The following JPH2 variants were observed in gnomAD, a reference collection of about 807,000 sequenced individuals.
JPH2 encodes junctophilin 2.
JPH2 carries 38 observed loss-of-function variants against 55.9 expected under a neutral mutation model. The observed-to-expected ratio is 0.68, with a 90% CI of 0.52 to 0.89. JPH2 has a LOEUF of 0.89. Ranked by LOEUF, JPH2 falls within the 40% of genes least tolerant of loss-of-function variation. The pLI is 0.00. For synonymous variants in JPH2, 480 were observed against 472.4 expected, an observed-to-expected ratio of 1.02 and a Z score of -0.21; for missense variants, 964 against 1,037.6, an observed-to-expected ratio of 0.93 and a Z score of 0.97.
chr20:44,117,196 T>A (rs927948584), intron 3 of JPH2, among the ~76,000 whole-genome samples: 175 of 152,348 alleles, frequency 1.1e-3, no homozygotes, highest in African/African-American at 4.0e-3. Flanking sequence ...GGAGAATTGC[T>A]TGAACCAGGG....
In JPH2 at chr20:44,116,269, C is replaced by T. The variant is rs2072191472; in HGVS notation, c.1406G>A (p.Ser469Asn). The T allele has an allele frequency of 1.3e-6, 2 of 1,526,806 alleles. No individual in the cohort carries two copies. Among genetic ancestry groups the T allele is most frequent in the South Asian group, 1.2e-5 (1 of 82,522 alleles). The allele number at this position is 1,526,806 out of a possible 1,614,324, so 94.6% of individuals were successfully genotyped here. A position where few individuals can be genotyped will look rare whatever the true frequency, so the allele number is the denominator to read the frequency against. Residue 469 changes from serine (S) to asparagine (N), a missense_variant, in exon 4 of 6, where the codon AGC becomes AAC. Transcript: ENST00000372980. ...AAGLPQPPRE[S>N]PQLHERETPR... is the part of the protein sequence containing the mutation. ...GGTCTCACGCTCGTGCAGCTGCGGG[C>T]TCTCGCGGGGCGGCTGTGGGAGGCC...
chr20:44,113,839 T>C (rs1200895332), intron 5 of JPH2, among the ~76,000 whole-genome samples: 3 of 152,208 alleles, frequency 2.0e-5, no homozygotes, highest in Non-Finnish European at 2.9e-5. Context: ...GCAGGAAGCA[T>C]TCCCAGAGCC....
chr20:44,139,666 CA>C (rs1289666784), intron 2 of JPH2, among the ~76,000 whole-genome samples: 4 of 152,128 alleles, frequency 2.6e-5, no homozygotes, highest in African/African-American at 9.7e-5. Flanking sequence ...TTAGGTTGAA[CA>C]GTATGAAATT....
intron 4 of JPH2, among the ~76,000 whole-genome samples, 177 bp downstream of exon 4, chr20:44,115,488 G>C (rs1013337769): frequency 1.3e-5 from 2 of 152,194 alleles, no homozygotes; most frequent in African/African-American, 4.8e-5. Context: ...GTCCTCTGTG[G>C]ACCAAGCCAA....
rs753706209 is a variant in JPH2, at chr20:44,108,452, C to T, written c.*5066G>A. ...GAACTGATGGTGGCCCTGGAGATCC[C>T]CAAACTTGTATCTGGGGTCTGAAGG... On this transcript the variant is annotated 3_prime_UTR_variant, in exon 6 of 6. Coordinates refer to ENST00000372980, the MANE Select transcript of JPH2 (RefSeq NM_020433.5). Among the ~76,000 whole-genome samples the T allele has an allele frequency of 6.6e-6, 1 of 151,926 alleles. No homozygotes were observed. The highest frequency in any genetic ancestry group is 2.4e-5 in the African/African-American group (1 of 41,336).
At chr20:44,131,069 G>A (rs916691576) in intron 2 of JPH2, among the ~76,000 whole-genome samples, 1 of 152,146 alleles carries the variant, frequency 6.6e-6, no homozygotes, top group East Asian at 1.9e-4. Context: ...TATGGCTCCT[G>A]TATTCCCATC....
chr20:44,154,051 A>C (rs1002551898), intron 2 of JPH2, among the ~76,000 whole-genome samples: 2 of 152,192 alleles, frequency 1.3e-5, no homozygotes, highest in Non-Finnish European at 2.9e-5. Flanking sequence ...AAATCAGAAG[A>C]CATAAATCTA....
intron 1 of JPH2, among the ~76,000 whole-genome samples, chr20:44,180,999 GT>G (rs2072778353): frequency 6.6e-6 from 1 of 152,010 alleles, no homozygotes; most frequent in Admixed American, 6.6e-5. Flanking sequence ...GTCAGCAGCT[GT>G]TTTTAGCTTT....
chr20:44,137,983 T>A (rs2072426641), intron 2 of JPH2, among the ~76,000 whole-genome samples: 1 of 151,374 alleles, frequency 6.6e-6, no homozygotes, highest in South Asian at 2.1e-4. Context: ...AGTGCATCTG[T>A]AAAAAGAGAA....
intron 2 of JPH2, among the ~76,000 whole-genome samples, chr20:44,142,468 G>A (rs745818643): frequency 1.1e-4 from 17 of 151,966 alleles, no homozygotes; most frequent in Non-Finnish European, 2.2e-4. Context: ...GCTCCTCACT[G>A]TCCCCAGAGC....
chr20:44,158,100 C>A (rs892468350), intron 2 of JPH2, among the ~76,000 whole-genome samples: 4 of 152,146 alleles, frequency 2.6e-5, no homozygotes, highest in Non-Finnish European at 5.9e-5. Context: ...CATAGAGAAT[C>A]CTATTTAAGT....
intron 5 of JPH2, among the ~76,000 whole-genome samples, chr20:44,114,467 C>T (rs1600827761): frequency 6.6e-6 from 1 of 152,194 alleles, no homozygotes; most frequent in East Asian, 1.9e-4. Flanking sequence ...CATCTCCCAG[C>T]AGAGCAGTAC....
At chr20:44,152,280 A>G (rs189724122) in intron 2 of JPH2, among the ~76,000 whole-genome samples, 163 of 152,378 alleles carry the variant, frequency 1.1e-3, no homozygotes, top group African/African-American at 3.8e-3. Context: ...TCAGCTGTGC[A>G]ACCTGTTTGA....
rs908385734 is a variant in JPH2, at chr20:44,160,875, G to A, written c.380-468C>T. Among the ~76,000 whole-genome samples the A allele has an allele frequency of 6.6e-6, 1 of 152,156 alleles. No homozygotes were observed. Among genetic ancestry groups the A allele is most frequent in the Non-Finnish European group, 1.5e-5 (1 of 68,014 alleles). ...GAGGCGGATGGATCGCTTGAGCTCAGGAGTTCAAGACCAACCTGGGCAACA... is the reference window on the plus strand; with the variant it reads ...GAGGCGGATGGATCGCTTGAGCTCAAGAGTTCAAGACCAACCTGGGCAACA... On this transcript the variant is annotated intron_variant, in intron 1 of 5. Coordinates refer to ENST00000372980, the MANE Select transcript of JPH2 (RefSeq NM_020433.5). The surrounding 1 kb of genome is among the most constrained non-coding windows in gnomAD (Gnocchi z 4.9).
rs2072135454 is a variant in JPH2, at chr20:44,110,623, G to T, written c.*2895C>A. On this transcript the variant is annotated 3_prime_UTR_variant, in exon 6 of 6. Transcript: ENST00000372980. ...TATTTTCTTTTTTAGTAGAGATGGG[G>T]TTTTGCCATGTTGGCCAGGCTGGTC... 5.9e-5 allele frequency among the ~76,000 whole-genome samples: 9 copies of T among 152,068 alleles called. No individual in the cohort carries two copies. Among genetic ancestry groups the T allele is most frequent in the Admixed American group, 5.9e-4 (9 of 15,264 alleles).
rs551910038 is a variant in JPH2 at position 44,159,344 on chromosome 20, A to C, written c.1169+274T>G. ...TGGAATGGGTAGGGGAATGGAGTGGATGACTGGAGAGATGGCTGTTCAGGT... is the reference window on the plus strand; with the variant it reads ...TGGAATGGGTAGGGGAATGGAGTGGCTGACTGGAGAGATGGCTGTTCAGGT... On this transcript the variant is annotated intron_variant, in intron 2 of 5. Transcript: ENST00000372980. The surrounding 1 kb of genome is among the most constrained non-coding windows in gnomAD (Gnocchi z 5.7). 5.9e-5 allele frequency among the ~76,000 whole-genome samples: 9 copies of C among 152,080 alleles called. No individual in the cohort carries two copies. The East Asian group carries it at 1.6e-3, about 26-fold the overall frequency.
intron 4 of JPH2, 96 bp from the exon 5 acceptor site, chr20:44,114,972 G>T: frequency 1.1e-6 from 1 of 910,142 alleles, no homozygotes; most frequent in Non-Finnish European, 1.8e-6. Context: ...GGAACTTCTG[G>T]ATGGACCTTC....
At chr20:44,161,238 C>A (rs939877100) in intron 1 of JPH2, among the ~76,000 whole-genome samples, 15 of 152,112 alleles carry the variant, frequency 9.9e-5, no homozygotes, top group African/African-American at 3.6e-4. Context: ...GCACTCCAGG[C>A]TGAGTGTGTG....
At chr20:44,122,315 G>C (rs2038167) in intron 2 of JPH2, among the ~76,000 whole-genome samples, 104,560 of 152,040 alleles carry the variant, frequency 0.69, 36,006 homozygotes, top group Admixed American at 0.74. Flanking sequence ...GAATTAACAG[G>C]CCTGGATTCC....
Sources: allele counts gnomAD v4.1 joint callset (sites outside exome capture counted in the v4.1 genomes callset), GRCh38; gene constraint gnomAD v4.1.1; non-coding constraint Gnocchi (gnomAD v3.1); transcripts MANE v1.5; gene names NCBI Gene and HGNC (gene_info 2026-07-23, HGNC 2026-07-21).